Variants in HGSNAT observed in about 807,000 individuals in gnomAD.
The protein encoded by HGSNAT is heparan-alpha-glucosaminide N-acetyltransferase, also known as transmembrane protein 76.
HGSNAT carries 59 observed loss-of-function variants against 85.2 expected under a neutral mutation model. That is an observed-to-expected ratio of 0.69 (90% CI 0.56 to 0.86). HGSNAT has a LOEUF of 0.86. Among genes scored for constraint, HGSNAT ranks in the 40% least tolerant of loss-of-function variants. HGSNAT has a pLI of 0.00. For missense variants in HGSNAT, 756 were observed against 777.1 expected, an observed-to-expected ratio of 0.97 and a Z score of 0.32; for synonymous variants, 321 against 304.5, an observed-to-expected ratio of 1.05 and a Z score of -0.56.
At chr8:43,140,652 G>A in intron 1 of HGSNAT, 38 bp downstream of exon 1, 1 of 1,069,292 alleles carries the variant, frequency 9.4e-7, no homozygotes, top group Non-Finnish European at 1.2e-6. Flanking sequence ...GGCCGGCTAC[G>A]AGCGCAGCGT....
rs150185550 is a variant in HGSNAT, at chr8:43,158,403, A to T, written c.235-172A>T. Among the ~76,000 whole-genome samples the T allele has an allele frequency of 4.8e-4, 73 of 152,286 alleles. No individual in the cohort carries two copies. In the East Asian group the frequency reaches 0.014, roughly 29 times the overall value. On this transcript the variant is annotated intron_variant, in intron 2 of 17. Coordinates refer to ENST00000379644, the MANE Select transcript of HGSNAT (RefSeq NM_152419.3). The stretch of plus-strand genomic sequence containing the variant: ...ATGAGCCACTGCGCCCAGCCCAGTC[A>T]TTGTTTTAGTACAAAATAATAGGTA...
At position 43,198,280 on chromosome 8, in the gene HGSNAT, CTTTTTTTTTTTT is replaced by C. The variant is rs59416007; in HGVS notation, c.1726+342_1726+353del. Among the ~76,000 whole-genome samples the C allele has an allele frequency of 7.2e-3, 654 of 90,376 alleles. 9 individuals carry two copies. Among genetic ancestry groups the C allele is most frequent in the African/African-American group, 0.028 (625 of 22,430 alleles). 59.3% of individuals were successfully genotyped at this position (90,376 alleles called of 152,430 possible). ...AGGGCACATTATCCAGTTTCTGGTT[CTTTTTTTTTTTT>C]TTTTTTTTTTTTTGAGACAGAGTCT... On this transcript the variant is annotated intron_variant, in intron 17 of 17. Coordinates refer to ENST00000379644, the MANE Select transcript of HGSNAT (RefSeq NM_152419.3).
chr8:43,140,579 C>A lies in HGSNAT; in HGVS notation c.83C>A (p.Ser28Tyr). The change falls in exon 1 of 18, where the codon TCT becomes TAT. Residue 28 changes from serine to tyrosine, a missense_variant. Transcript: ENST00000379644. ...LSAALLAPGG[S>Y]SGRDAQAAPP... Reference sequence around the variant, plus strand: ...GCCGCGCTGCTGGCCCCCGGCGGCTCTTCGGGGCGCGATGCCCAGGCCGCG... The same window carrying A: ...GCCGCGCTGCTGGCCCCCGGCGGCTATTCGGGGCGCGATGCCCAGGCCGCG... 8.1e-7 allele frequency: 1 copy of A among 1,231,918 alleles called. No individual in the cohort carries two copies. Among genetic ancestry groups the A allele is most frequent in the Non-Finnish European group, 1.0e-6 (1 of 979,882 alleles). 76.3% of individuals were successfully genotyped at this position (1,231,918 alleles called of 1,614,324 possible).
At chr8:43,150,939 A>ATATAT (rs375041833) in intron 2 of HGSNAT, among the ~76,000 whole-genome samples, 1,890 of 152,194 alleles carry the variant, frequency 0.012, 43 homozygotes, top group African/African-American at 0.042. Flanking sequence ...AAAAACTAAA[A>ATATAT]TATTGCACTC....
At chr8:43,197,163 A>C in intron 15 of HGSNAT, 138 bp downstream of exon 15, 1 of 648,682 alleles carries the variant, frequency 1.5e-6, no homozygotes, top group Non-Finnish European at 2.8e-6. Context: ...CTTGAATAAC[A>C]GAGAGGAACA....
intron 1 of HGSNAT, among the ~76,000 whole-genome samples, chr8:43,144,903 C>T (rs764660799): frequency 1.3e-5 from 2 of 152,140 alleles, no homozygotes; most frequent in African/African-American, 2.4e-5. Context: ...CTGATTTTGC[C>T]GTTTCCTTGT....
chr8:43,162,198 C>T (rs947179561), intron 5 of HGSNAT, among the ~76,000 whole-genome samples: 1 of 152,126 alleles, frequency 6.6e-6, no homozygotes. Context: ...TCAAGAAGAA[C>T]CACAAGGTTT....
At chr8:43,156,349 A>G (rs1450670190) in intron 2 of HGSNAT, among the ~76,000 whole-genome samples, 1 of 152,086 alleles carries the variant, frequency 6.6e-6, no homozygotes, top group Non-Finnish European at 1.5e-5. Context: ...TCTTTCGCCC[A>G]GGCTGGAGAG....
At chr8:43,141,261 C>G (rs996686039) in intron 1 of HGSNAT, among the ~76,000 whole-genome samples, 1 of 152,148 alleles carries the variant, frequency 6.6e-6, no homozygotes, top group Non-Finnish European at 1.5e-5. Context: ...CTCCCCTCGG[C>G]GCGTTTTCCC....
rs1379010509 is a variant in HGSNAT at position 43,200,027 on chromosome 8, A to G, written c.*458A>G. Reference sequence around the variant, plus strand: ...GCTGCTATGAAGCTTACTGGTTGTGATGTGTTATAATTTAGTCTGTTTTTT... The same window carrying G: ...GCTGCTATGAAGCTTACTGGTTGTGGTGTGTTATAATTTAGTCTGTTTTTT... On this transcript the variant is annotated 3_prime_UTR_variant, in exon 18 of 18. Transcript: ENST00000379644. The G allele has an allele frequency of 1.3e-5, 2 of 152,698 alleles. No individual in the cohort carries two copies. The highest frequency in any genetic ancestry group is 6.5e-5 in the Admixed American group (1 of 15,272). The allele number at this position is 152,698 out of a possible 1,614,324, so 9.5% of individuals were successfully genotyped here.
rs1804555699 is a variant in HGSNAT, at chr8:43,192,171, G to T, written c.1251-133G>T. On this transcript the variant is annotated intron_variant, in intron 12 of 17. Coordinates refer to ENST00000379644, the MANE Select transcript of HGSNAT (RefSeq NM_152419.3). ...TCAAATTCCTGACCTCAGGTGATCT[G>T]CCCGCCTTGGCCTCCCAAAGTGTTG... is the stretch of plus-strand genomic sequence containing the variant. The T allele has an allele frequency of 1.2e-5, 11 of 938,826 alleles. No individual in the cohort carries two copies. The East Asian group carries it at 3.2e-4, about 27-fold the overall frequency. 58.2% of individuals were successfully genotyped at this position (938,826 alleles called of 1,614,324 possible).
chr8:43,153,468 C>G (rs1054653109), intron 2 of HGSNAT, among the ~76,000 whole-genome samples: 2 of 152,066 alleles, frequency 1.3e-5, no homozygotes, highest in Non-Finnish European at 1.5e-5. Context: ...GCTAGGATTA[C>G]AGGTGTGAGC....
At chr8:43,187,593 T>A (rs1203048032) in intron 11 of HGSNAT, among the ~76,000 whole-genome samples, 1 of 152,222 alleles carries the variant, frequency 6.6e-6, no homozygotes, top group Admixed American at 6.5e-5. Flanking sequence ...TGACTCTTTA[T>A]CCAATTTGCC....
chr8:43,144,711 A>G (rs1239316545), intron 1 of HGSNAT, among the ~76,000 whole-genome samples: 5 of 152,094 alleles, frequency 3.3e-5, no homozygotes, highest in Admixed American at 3.3e-4. Flanking sequence ...GTGGATTATT[A>G]TTATTATTAT....
At chr8:43,155,195 A>G (rs1274093286) in intron 2 of HGSNAT, among the ~76,000 whole-genome samples, 3 of 152,150 alleles carry the variant, frequency 2.0e-5, no homozygotes, top group East Asian at 3.9e-4. Flanking sequence ...ATTCCCAACA[A>G]CAGTGTGTAA....
chr8:43,142,561 G>A (rs140764314), intron 1 of HGSNAT, among the ~76,000 whole-genome samples: 1 of 152,296 alleles, frequency 6.6e-6, no homozygotes, highest in East Asian at 1.9e-4. Context: ...GTCTCTAGCT[G>A]TGGTTCCCTA....
Position 43,158,770 on chromosome 8 carries a change from G to A in HGSNAT, c.371+59G>A. 4 of 1,535,646 alleles carry A rather than the reference G, an allele frequency of 2.6e-6. No homozygotes were observed. In the South Asian group the frequency reaches 3.9e-5, roughly 15 times the overall value. ...TCTGCATTTTCTCTTTTTCTATTTT[G>A]GTTTTAGCTTTTTTTCTCTTTACAG... is the stretch of plus-strand genomic sequence containing the variant. On this transcript the variant is annotated intron_variant, in intron 3 of 17. Coordinates refer to ENST00000379644, the MANE Select transcript of HGSNAT (RefSeq NM_152419.3).
At chr8:43,151,410 G>A (rs1802913774) in intron 2 of HGSNAT, among the ~76,000 whole-genome samples, 1 of 152,288 alleles carries the variant, frequency 6.6e-6, no homozygotes, top group South Asian at 2.1e-4. Flanking sequence ...TTTCGTGACT[G>A]AGTGTCTGTA....
At position 43,182,187 on chromosome 8, in the gene HGSNAT, TG is replaced by T; in HGVS notation, c.1058del (p.Gly353GlufsTer2). On this transcript the variant is annotated frameshift_variant, in exon 11 of 18. Transcript: ENST00000379644. LOFTEE classifies it high-confidence loss of function. The part of the protein sequence containing the change: ...KVRIPGVLQR[L>X]GVTYFVVAVL... ...CGCATTCCTGGTGTGCTGCAGCGAT[TG>T]GGAGTGACATACTTTGTGGTTGCTG... The T allele has an allele frequency of 6.2e-7, 1 of 1,614,056 alleles. No homozygotes were observed. Among genetic ancestry groups the T allele is most frequent in the Non-Finnish European group, 8.5e-7 (1 of 1,179,900 alleles).
Sources: gnomAD v4.1 joint callset for allele counts (sites outside exome capture counted in the v4.1 genomes callset) on GRCh38, gnomAD v4.1.1 for gene constraint, MANE v1.5 for transcripts, NCBI Gene and HGNC (gene_info 2026-07-23, HGNC 2026-07-21) for gene names.